The following MTUS2 variants were observed in gnomAD, a reference collection of about 807,000 sequenced individuals.
The protein encoded by MTUS2 is microtubule associated scaffold protein 2.
A neutral mutation model predicts 114.1 loss-of-function variants in MTUS2; 40 were observed. The observed-to-expected ratio is 0.35, with a 90% CI of 0.27 to 0.46. MTUS2 has a LOEUF of 0.46. Ranked by LOEUF, MTUS2 falls within the 20% of genes least tolerant of loss-of-function variation. The pLI is 1.00. For synonymous variants in MTUS2, 688 were observed against 672.0 expected (o/e 1.02, Z -0.37); for missense variants, 1,679 against 1,705.4 (o/e 0.98, Z 0.27).
intron 5 of MTUS2, among the ~76,000 whole-genome samples, chr13:29,210,965 C>T (rs1441392376): frequency 1.3e-5 from 2 of 152,072 alleles, no homozygotes; most frequent in Non-Finnish European, 2.9e-5. Flanking sequence ...AGGATACAAG[C>T]TTGCCCTAAT....
In MTUS2 at chr13:28,863,441, C is replaced by T. The variant is rs531668894; in HGVS notation, c.-243+23591C>T. Among the ~76,000 whole-genome samples, 15 of 152,322 alleles carry T rather than the reference C, an allele frequency of 9.8e-5. No homozygotes were observed. The South Asian group carries it at 1.9e-3, about 19-fold the overall frequency. Reference sequence around the variant, plus strand: ...TTAAAGGTGTGTCAAGCCTTGTCAACGTTCTCATATAGCCCGAGGCTGAGG... The same window carrying T: ...TTAAAGGTGTGTCAAGCCTTGTCAATGTTCTCATATAGCCCGAGGCTGAGG... On this transcript the variant is annotated intron_variant, in intron 2 of 15. Coordinates refer to ENST00000612955, the MANE Select transcript of MTUS2 (RefSeq NM_001033602.4).
chr13:29,248,697 A>G (rs916616700), intron 5 of MTUS2, among the ~76,000 whole-genome samples: 14 of 152,204 alleles, frequency 9.2e-5, no homozygotes, highest in African/African-American at 3.4e-4. Context: ...CTCATCGTTC[A>G]TCTCCCACTT....
intron 2 of MTUS2, among the ~76,000 whole-genome samples, chr13:28,846,437 C>G (rs1429505063): frequency 1.3e-5 from 2 of 152,238 alleles, no homozygotes; most frequent in Non-Finnish European, 1.5e-5. Flanking sequence ...CCAGGACATA[C>G]AGATACACTT....
intron 4 of MTUS2, among the ~76,000 whole-genome samples, chr13:29,095,346 C>T (rs924886077): frequency 2.6e-5 from 4 of 151,994 alleles, no homozygotes; most frequent in African/African-American, 9.7e-5. Context: ...GGTGTATATA[C>T]GTTTATAATT....
chr13:29,463,374 G>GAGGTCAC (rs912863392), intron 9 of MTUS2, among the ~76,000 whole-genome samples: 40 of 152,322 alleles, frequency 2.6e-4, no homozygotes, highest in Middle Eastern at 6.8e-3. Flanking sequence ...GACTCCTAGA[G>GAGGTCAC]AGGTCACAGG....
intron 8 of MTUS2, among the ~76,000 whole-genome samples, chr13:29,377,653 A>G (rs1871855212): frequency 8.1e-6 from 1 of 124,220 alleles, no homozygotes; most frequent in Non-Finnish European, 1.8e-5. Context: ...ATGGCATTAC[A>G]TGCACATAAT....
chr13:29,243,309 C>T (rs985100896), intron 5 of MTUS2, among the ~76,000 whole-genome samples: 1 of 152,150 alleles, frequency 6.6e-6, no homozygotes, highest in East Asian at 1.9e-4. Flanking sequence ...GAAGAAACAT[C>T]GGGGATATGG....
At chr13:29,250,219 T>G (rs535092126) in intron 5 of MTUS2, among the ~76,000 whole-genome samples, 11 of 152,186 alleles carry the variant, frequency 7.2e-5, no homozygotes, top group African/African-American at 2.6e-4. Context: ...TGAAATATTT[T>G]GATTATGTTG....
At chr13:28,844,570 G>A (rs1270742025) in intron 2 of MTUS2, among the ~76,000 whole-genome samples, 1 of 115,262 alleles carries the variant, frequency 8.7e-6, no homozygotes, top group African/African-American at 2.8e-5. Flanking sequence ...GGAGGAAGGG[G>A]TCTGCAGCAT....
At chr13:29,389,289 ATATG>A (rs1872878470) in intron 8 of MTUS2, among the ~76,000 whole-genome samples, 1 of 103,194 alleles carries the variant, frequency 9.7e-6, no homozygotes, top group Non-Finnish European at 2.0e-5. Context: ...ATGTATACAC[ATATG>A]TGTGTATATG....
intron 4 of MTUS2, among the ~76,000 whole-genome samples, chr13:29,073,671 C>G (rs1889048227): frequency 6.6e-6 from 1 of 152,154 alleles, no homozygotes. Flanking sequence ...TACATCTTGC[C>G]CTTCTTCATT....
chr13:29,277,709 T>C (rs966555879), intron 5 of MTUS2, among the ~76,000 whole-genome samples: 1 of 152,154 alleles, frequency 6.6e-6, no homozygotes, highest in African/African-American at 2.4e-5. Flanking sequence ...TGTGACTGAG[T>C]TCCAGCCAGT....
intron 9 of MTUS2, among the ~76,000 whole-genome samples, chr13:29,468,985 A>C (rs1880078371): frequency 1.3e-5 from 2 of 152,360 alleles, no homozygotes; most frequent in Middle Eastern, 3.4e-3. Context: ...TAGCTTTAAC[A>C]GACAATAGTG....
chr13:29,339,824 G>A (rs1377819789), intron 7 of MTUS2: 2 of 154,664 alleles, frequency 1.3e-5, no homozygotes, highest in South Asian at 1.9e-4. Flanking sequence ...CTTGACCTGG[G>A]AGCGGAGAAG....
chr13:29,126,480 A>G (rs965633971), intron 5 of MTUS2, among the ~76,000 whole-genome samples: 2 of 152,022 alleles, frequency 1.3e-5, no homozygotes, highest in African/African-American at 4.8e-5. Context: ...TCCTGTTTCT[A>G]TCCAAAGCTA....
intron 4 of MTUS2, among the ~76,000 whole-genome samples, chr13:29,095,427 G>T (rs1183533784): frequency 2.0e-5 from 3 of 151,988 alleles, no homozygotes; most frequent in Non-Finnish European, 4.4e-5. Context: ...GTTGACAGTT[G>T]TTTTTCTCTT....
At chr13:29,127,064 A>G (rs1891550723) in intron 5 of MTUS2, among the ~76,000 whole-genome samples, 1 of 152,128 alleles carries the variant, frequency 6.6e-6, no homozygotes, top group Admixed American at 6.5e-5. Context: ...GTGTACCCAC[A>G]TGCGTCTTGC....
chr13:29,474,062 C>G (rs528223743), intron 9 of MTUS2, among the ~76,000 whole-genome samples: 1 of 152,220 alleles, frequency 6.6e-6, no homozygotes, highest in Non-Finnish European at 1.5e-5. Flanking sequence ...CCAATATTTT[C>G]TACAGGCCTA....
chr13:28,889,684 CA>C (rs1228538502), intron 2 of MTUS2, among the ~76,000 whole-genome samples: 1 of 151,998 alleles, frequency 6.6e-6, no homozygotes, highest in African/African-American at 2.4e-5. Flanking sequence ...CCTGGGGAAA[CA>C]TGGACAAAAC....
Sources: gnomAD v4.1 joint callset for allele counts (sites outside exome capture counted in the v4.1 genomes callset) on GRCh38, gnomAD v4.1.1 for gene constraint, MANE v1.5 for transcripts, NCBI Gene and HGNC (gene_info 2026-07-23, HGNC 2026-07-21) for gene names.